PTPRD: variants seen among roughly 807,000 people sequenced by gnomAD.
The protein encoded by PTPRD is receptor-type tyrosine-protein phosphatase delta.
PTPRD carries 34 observed loss-of-function variants against 214.5 expected under a neutral mutation model. The ratio of observed to expected loss-of-function variants is 0.16; its 90% CI spans 0.12 to 0.21. The LOEUF (loss-of-function observed/expected upper bound fraction) is 0.21. PTPRD is among the 10% of genes least tolerant of loss of function. PTPRD has a pLI of 1.00. For missense variants in PTPRD, 2,545 were observed against 2,398.7 expected, an observed-to-expected ratio of 1.06 and a Z score of -1.27; for synonymous variants, 1,128 against 845.7, an observed-to-expected ratio of 1.33 and a Z score of -5.79.
intron 2 of PTPRD, among the ~76,000 whole-genome samples, chr9:10,530,717 T>A (rs1166009154): frequency 1.3e-5 from 2 of 152,028 alleles, no homozygotes; most frequent in Admixed American, 1.3e-4. Context: ...ATTTAGGAAA[T>A]CTGACAATCA....
chr9:8,444,901 A>G (rs1030281466), intron 34 of PTPRD, among the ~76,000 whole-genome samples: 3 of 152,178 alleles, frequency 2.0e-5, no homozygotes, highest in Admixed American at 6.6e-5. Context: ...CACCCATCCT[A>G]GTGCGCACCC....
intron 12 of PTPRD, among the ~76,000 whole-genome samples, chr9:8,650,124 C>T (rs561026910): frequency 2.0e-5 from 3 of 152,170 alleles, no homozygotes; most frequent in Admixed American, 6.5e-5. Flanking sequence ...AGCTATGTTG[C>T]TCAGACTGGT....
chr9:9,752,363 A>G (rs1369016331), intron 6 of PTPRD, among the ~76,000 whole-genome samples: 1 of 152,008 alleles, frequency 6.6e-6, no homozygotes, highest in Non-Finnish European at 1.5e-5. Flanking sequence ...AAAGTACGTA[A>G]GAGATAGTCT....
chr9:9,339,776 G>A (rs2046055541), intron 9 of PTPRD, among the ~76,000 whole-genome samples: 1 of 152,210 alleles, frequency 6.6e-6, no homozygotes, highest in East Asian at 1.9e-4. Flanking sequence ...GATTGCTTCA[G>A]AATGAAAGAT....
At chr9:10,099,130 T>G (rs1563795288) in intron 3 of PTPRD, among the ~76,000 whole-genome samples, 1 of 151,854 alleles carries the variant, frequency 6.6e-6, no homozygotes, top group Non-Finnish European at 1.5e-5. Flanking sequence ...AGACTAGTAG[T>G]TTTTGTTATG....
At chr9:10,442,101 C>T (rs910800147) in intron 2 of PTPRD, among the ~76,000 whole-genome samples, 5 of 151,644 alleles carry the variant, frequency 3.3e-5, no homozygotes, top group African/African-American at 1.2e-4. Context: ...AAATCTAGTT[C>T]TTGAGCTTAG....
At chr9:8,658,923 G>C (rs1188014566) in intron 12 of PTPRD, among the ~76,000 whole-genome samples, 2 of 152,082 alleles carry the variant, frequency 1.3e-5, no homozygotes, top group Non-Finnish European at 2.9e-5. Context: ...ATGCTAATGA[G>C]GCTCCAAAAT....
At chr9:10,173,393 G>A (rs1277369629) in intron 3 of PTPRD, among the ~76,000 whole-genome samples, 1 of 152,098 alleles carries the variant, frequency 6.6e-6, no homozygotes, top group Non-Finnish European at 1.5e-5. Flanking sequence ...AAGTTTAAGT[G>A]ATTTGCCCGT....
rs73395846 is a variant in PTPRD at position 9,096,155 on chromosome 9, G to A, written c.-142-77420C>T. Among the ~76,000 whole-genome samples, 1,235 of 152,270 alleles carry A rather than the reference G, an allele frequency of 8.1e-3. 17 individuals carry two copies. Among genetic ancestry groups the A allele is most frequent in the African/African-American group, 0.028 (1,159 of 41,556 alleles). On this transcript the variant is annotated intron_variant, in intron 10 of 45. Coordinates refer to ENST00000381196, the MANE Select transcript of PTPRD (RefSeq NM_002839.4). ...ATGACCAAGTCTAGAGATTTCATGT[G>A]CAACATGAGGACTATAGGTAATAAA...
chr9:9,838,482 C>G (rs1181994236), intron 5 of PTPRD, among the ~76,000 whole-genome samples: 1 of 152,066 alleles, frequency 6.6e-6, no homozygotes, highest in Non-Finnish European at 1.5e-5. Flanking sequence ...GAGATTGTAT[C>G]TCATTGTGGT....
At chr9:10,192,471 G>T (rs1055866988) in intron 3 of PTPRD, among the ~76,000 whole-genome samples, 1 of 121,064 alleles carries the variant, frequency 8.3e-6, no homozygotes, top group Non-Finnish European at 1.7e-5. Flanking sequence ...AAAAAAAAAA[G>T]CTGTTACATT....
chr9:8,998,123 G>T (rs1323307551), intron 11 of PTPRD, among the ~76,000 whole-genome samples: 3 of 152,124 alleles, frequency 2.0e-5, no homozygotes, highest in Non-Finnish European at 4.4e-5. Context: ...CAGCATGTTA[G>T]CTGGAAGATT....
chr9:8,324,402 C>T (rs1015618457), intron 44 of PTPRD, among the ~76,000 whole-genome samples: 2 of 152,174 alleles, frequency 1.3e-5, no homozygotes, highest in African/African-American at 4.8e-5. Context: ...TTTCCAGCTT[C>T]ATCCATGTCC....
At chr9:8,520,521 A>G (rs998239056) in intron 20 of PTPRD, among the ~76,000 whole-genome samples, 3 of 152,162 alleles carry the variant, frequency 2.0e-5, no homozygotes, top group African/African-American at 4.8e-5. Context: ...TCATTTTGCA[A>G]TAGTTCTAGC....
intron 7 of PTPRD, among the ~76,000 whole-genome samples, chr9:9,646,616 G>A (rs2096187643): frequency 6.6e-6 from 1 of 151,882 alleles, no homozygotes; most frequent in Admixed American, 6.6e-5. Context: ...AGTTGAATAT[G>A]CCTTCTTCCT....
chr9:8,500,547 T>C (rs2097372676), intron 24 of PTPRD, among the ~76,000 whole-genome samples: 1 of 40,676 alleles, frequency 2.5e-5, no homozygotes, highest in Non-Finnish European at 4.3e-5. Context: ...TGCATTGAGA[T>C]TGAAAAAAAT....
At chr9:9,332,375 C>T (rs1215097838) in intron 9 of PTPRD, among the ~76,000 whole-genome samples, 1 of 151,926 alleles carries the variant, frequency 6.6e-6, no homozygotes, top group Non-Finnish European at 1.5e-5. Flanking sequence ...AGATGATCTA[C>T]ATACCTCATA....
chr9:9,126,975 A>T (rs2099834857), intron 10 of PTPRD, among the ~76,000 whole-genome samples: 1 of 151,868 alleles, frequency 6.6e-6, no homozygotes, highest in South Asian at 2.1e-4. Context: ...CCCATCGCAG[A>T]GCACATTCAC....
intron 3 of PTPRD, among the ~76,000 whole-genome samples, chr9:10,151,763 C>T (rs987932993): frequency 6.6e-6 from 1 of 152,116 alleles, no homozygotes; most frequent in Non-Finnish European, 1.5e-5. Flanking sequence ...GACCTTTCTT[C>T]ACCTCTAAGC....
Sources: allele counts gnomAD v4.1 joint callset (sites outside exome capture counted in the v4.1 genomes callset), GRCh38; gene constraint gnomAD v4.1.1; transcripts MANE v1.5; gene names NCBI Gene and HGNC (gene_info 2026-07-23, HGNC 2026-07-21).